Variants in KHDRBS2 observed in about 807,000 individuals in gnomAD.
KHDRBS2 encodes the protein KH RNA binding domain containing, signal transduction associated 2, also known as KH domain-containing, RNA-binding, signal transduction-associated protein 2.
Under a neutral mutation model 44.3 loss-of-function variants are expected in KHDRBS2, and 26 were observed. The observed-to-expected ratio is 0.59, with a 90% CI of 0.43 to 0.81. KHDRBS2 has a LOEUF of 0.81. KHDRBS2 is among the 40% of genes least tolerant of loss of function. KHDRBS2 has a pLI of 0.00. For synonymous variants in KHDRBS2, 194 were observed against 151.1 expected, an observed-to-expected ratio of 1.28 and a Z score of -2.08; for missense variants, 476 against 433.1, an observed-to-expected ratio of 1.10 and a Z score of -0.88.
At chr6:61,968,364 T>G (rs1325487109) in intron 4 of KHDRBS2, among the ~76,000 whole-genome samples, 3 of 152,030 alleles carry the variant, frequency 2.0e-5, no homozygotes, top group Non-Finnish European at 4.4e-5. Context: ...ACCACAGTTC[T>G]GTCACATACT....
chr6:61,766,814 G>A (rs1780080504), intron 6 of KHDRBS2, among the ~76,000 whole-genome samples: 1 of 151,940 alleles, frequency 6.6e-6, no homozygotes, highest in African/African-American at 2.4e-5. Context: ...TTACATTGCG[G>A]TCAGAGATGA....
At chr6:62,199,435 A>T (rs2150136917) in intron 1 of KHDRBS2, among the ~76,000 whole-genome samples, 1 of 152,298 alleles carries the variant, frequency 6.6e-6, no homozygotes, top group South Asian at 2.1e-4. Flanking sequence ...GCGTTCTTAT[A>T]CATCAATAAC....
intron 6 of KHDRBS2, among the ~76,000 whole-genome samples, chr6:61,777,990 CT>C (rs1486638741): frequency 3.9e-5 from 6 of 152,098 alleles, no homozygotes; most frequent in Admixed American, 1.3e-4. Context: ...TTTTCTGCCC[CT>C]CTCCCTCCTC....
chr6:62,210,330 T>A (rs1217527305), intron 1 of KHDRBS2, among the ~76,000 whole-genome samples: 1 of 145,222 alleles, frequency 6.9e-6, no homozygotes, highest in Non-Finnish European at 1.5e-5. Flanking sequence ...TAGCATTCTT[T>A]TTTTTTTTTT....
At chr6:61,725,382 AG>A (rs1773385499) in intron 7 of KHDRBS2, among the ~76,000 whole-genome samples, 1 of 152,154 alleles carries the variant, frequency 6.6e-6, no homozygotes, top group Admixed American at 6.6e-5. Flanking sequence ...CTCAACTAAA[AG>A]AAATAGAGAA....
rs375845260 is a variant in KHDRBS2 at position 61,826,351 on chromosome 6, A to G, written c.810+68284T>C. 1.7e-4 allele frequency among the ~76,000 whole-genome samples: 26 copies of G among 152,214 alleles called. No individual in the cohort carries two copies. The East Asian group carries it at 3.7e-3, about 22-fold the overall frequency. ...GAAATCAGAGGGAAGGAAGGGAAAAAGATGAGGATGTATATCTCCCTCTGC... is the reference window on the plus strand; with the variant it reads ...GAAATCAGAGGGAAGGAAGGGAAAAGGATGAGGATGTATATCTCCCTCTGC... On this transcript the variant is annotated intron_variant, in intron 6 of 8. Transcript: ENST00000281156.
intron 2 of KHDRBS2, among the ~76,000 whole-genome samples, chr6:62,077,335 G>T (rs1264410420): frequency 6.6e-6 from 1 of 151,980 alleles, no homozygotes; most frequent in Non-Finnish European, 1.5e-5. Flanking sequence ...TTATGGGGAT[G>T]GGAGGGAAGC....
chr6:62,209,953 T>C (rs1828738318), intron 1 of KHDRBS2, among the ~76,000 whole-genome samples: 2 of 152,286 alleles, frequency 1.3e-5, no homozygotes, highest in East Asian at 3.9e-4. Flanking sequence ...GTTTTGGGAC[T>C]CAGACTAGCT....
At chr6:61,791,265 C>G (rs1784605292) in intron 6 of KHDRBS2, among the ~76,000 whole-genome samples, 1 of 150,696 alleles carries the variant, frequency 6.6e-6, no homozygotes, top group Non-Finnish European at 1.5e-5. Context: ...TTCTTTTTTT[C>G]TTCTACTGTT....
chr6:61,841,925 CA>C (rs1434911511), intron 6 of KHDRBS2, among the ~76,000 whole-genome samples: 1 of 152,156 alleles, frequency 6.6e-6, no homozygotes, highest in Non-Finnish European at 1.5e-5. Context: ...CAGAGGCAAT[CA>C]TTAGCTAATT....
At chr6:61,623,892 A>C in the KHDRBS2 span, among the ~76,000 whole-genome samples, 1 of 152,176 alleles carries the variant, frequency 6.6e-6, no homozygotes, top group Non-Finnish European at 1.5e-5. Context: ...TTTAAAACAC[A>C]GTGGAGAGAG....
intron 6 of KHDRBS2, among the ~76,000 whole-genome samples, chr6:61,758,883 C>A (rs1440903199): frequency 3.9e-5 from 6 of 152,038 alleles, no homozygotes; most frequent in Admixed American, 2.6e-4. Context: ...ATGCTTGAAG[C>A]CATTCAGTTG....
At chr6:61,860,756 A>G (rs1164515956) in intron 6 of KHDRBS2, among the ~76,000 whole-genome samples, 1 of 152,060 alleles carries the variant, frequency 6.6e-6, no homozygotes, top group Non-Finnish European at 1.5e-5. Context: ...TGCTGGGTCG[A>G]ATGGTATTTT....
At chr6:61,660,900 C>G in the KHDRBS2 span, among the ~76,000 whole-genome samples, 1 of 151,830 alleles carries the variant, frequency 6.6e-6, no homozygotes, top group Non-Finnish European at 1.5e-5. Flanking sequence ...TTTTTGTCCC[C>G]CATCCTCCTT....
At chr6:61,549,581 C>T in the KHDRBS2 span, among the ~76,000 whole-genome samples, 1 of 151,978 alleles carries the variant, frequency 6.6e-6, no homozygotes. Context: ...TTTGGTTCTG[C>T]CTGCCTTCTA....
At chr6:61,781,965 T>G (rs533958074) in intron 6 of KHDRBS2, among the ~76,000 whole-genome samples, 1 of 152,286 alleles carries the variant, frequency 6.6e-6, no homozygotes, top group South Asian at 2.1e-4. Flanking sequence ...GGACAAATGT[T>G]GGGAAGGGGA....
At chr6:62,169,557 GAGA>G (rs1212689096) in intron 2 of KHDRBS2, among the ~76,000 whole-genome samples, 2 of 152,070 alleles carry the variant, frequency 1.3e-5, no homozygotes, top group South Asian at 2.1e-4. Context: ...GGACACAGCA[GAGA>G]AGAACAAAGC....
At chr6:62,106,590 C>A (rs927998427) in intron 2 of KHDRBS2, among the ~76,000 whole-genome samples, 1 of 152,124 alleles carries the variant, frequency 6.6e-6, no homozygotes, top group African/African-American at 2.4e-5. Flanking sequence ...AAGAGGGAAT[C>A]CTCCCTAACT....
the KHDRBS2 span, among the ~76,000 whole-genome samples, chr6:61,544,898 G>A: frequency 1.3e-5 from 2 of 152,028 alleles, no homozygotes; most frequent in Non-Finnish European, 2.9e-5. Context: ...CATGGTCAGA[G>A]GAAGGGGAAC....
Sources: gnomAD v4.1 joint callset for allele counts (sites outside exome capture counted in the v4.1 genomes callset) on GRCh38, gnomAD v4.1.1 for gene constraint, MANE v1.5 for transcripts, NCBI Gene and HGNC (gene_info 2026-07-23, HGNC 2026-07-21) for gene names.